Variants in NXPE2 observed in about 807,000 individuals in gnomAD.
The protein encoded by NXPE2 is NXPE family member 2.
A neutral mutation model predicts 34.4 loss-of-function variants in NXPE2; 34 were observed. The ratio of observed to expected loss-of-function variants is 0.99; its 90% CI spans 0.75 to 1.31. The LOEUF (loss-of-function observed/expected upper bound fraction) is 1.31. Ranked by LOEUF, NXPE2 falls within the 40% of genes most tolerant of loss-of-function variation. The pLI is 0.00. For synonymous variants in NXPE2, 235 were observed against 231.3 expected (o/e 1.02, Z -0.15); for missense variants, 649 against 672.5 (o/e 0.97, Z 0.39).
intron 2 of NXPE2, among the ~76,000 whole-genome samples, chr11:114,692,537 C>T (rs1278471793): frequency 6.6e-6 from 1 of 152,180 alleles, no homozygotes; most frequent in African/African-American, 2.4e-5. Context: ...TCAGGCAGCT[C>T]TATGTCAGAC....
the NXPE2 span, among the ~76,000 whole-genome samples, chr11:114,666,427 A>T: frequency 2.0e-5 from 3 of 152,172 alleles, no homozygotes; most frequent in African/African-American, 7.2e-5. Flanking sequence ...AATCAATTCA[A>T]TTTGATTATT....
At chr11:114,530,151 A>C in the NXPE2 span, 6 of 1,566,602 alleles carry the variant, frequency 3.8e-6, no homozygotes, top group East Asian at 1.1e-4. Context: ...GACACTTCTC[A>C]GTATACATGA....
chr11:114,623,264 T>G, the NXPE2 span, among the ~76,000 whole-genome samples: 2 of 152,088 alleles, frequency 1.3e-5, no homozygotes, highest in African/African-American at 4.8e-5. Context: ...GTAATACATA[T>G]TGCCTCGTGG....
the NXPE2 span, chr11:114,529,046 T>A: frequency 7.5e-6 from 3 of 398,350 alleles, no homozygotes; most frequent in East Asian, 7.0e-5. Flanking sequence ...GAATGCATGT[T>A]ATTTTGTCAT....
At chr11:114,589,099 G>A in the NXPE2 span, among the ~76,000 whole-genome samples, 1 of 152,086 alleles carries the variant, frequency 6.6e-6, no homozygotes, top group Non-Finnish European at 1.5e-5. Flanking sequence ...CTATTGATGT[G>A]GGAAGTCAGA....
chr11:114,577,909 C>T, the NXPE2 span, among the ~76,000 whole-genome samples: 71 of 152,244 alleles, frequency 4.7e-4, no homozygotes, highest in African/African-American at 1.7e-3. Context: ...ATAAGTATTA[C>T]TAGTCATTTG....
chr11:114,765,303 T>C, the NXPE2 span, among the ~76,000 whole-genome samples: 1 of 152,242 alleles, frequency 6.6e-6, no homozygotes, highest in African/African-American at 2.4e-5. Flanking sequence ...TATTGTGTTT[T>C]TTACAAAATA....
the NXPE2 span, among the ~76,000 whole-genome samples, chr11:114,575,767 A>G: frequency 6.6e-6 from 1 of 152,104 alleles, no homozygotes; most frequent in African/African-American, 2.4e-5. Context: ...TGAAAATGAC[A>G]GTACTGTCAA....
At chr11:114,577,101 T>G in the NXPE2 span, among the ~76,000 whole-genome samples, 8 of 135,048 alleles carry the variant, frequency 5.9e-5, no homozygotes, top group Non-Finnish European at 1.1e-4. Context: ...ATATATAAAG[T>G]TATATATATA....
chr11:114,690,639 C>T (rs1211911237), intron 2 of NXPE2, among the ~76,000 whole-genome samples: 1 of 152,144 alleles, frequency 6.6e-6, no homozygotes, highest in East Asian at 1.9e-4. Context: ...GCATGTCAAC[C>T]TTTCTAGCAA....
the NXPE2 span, among the ~76,000 whole-genome samples, chr11:114,760,369 C>T: frequency 1.3e-5 from 2 of 152,134 alleles, no homozygotes; most frequent in Admixed American, 6.5e-5. Flanking sequence ...CTTCCAGAAC[C>T]GGGAGAAATA....
the NXPE2 span, among the ~76,000 whole-genome samples, chr11:114,670,636 G>A: frequency 7.2e-5 from 11 of 151,972 alleles, no homozygotes; most frequent in African/African-American, 2.4e-4. Flanking sequence ...AAGTTACAGT[G>A]AGATATGACT....
chr11:114,631,422 A>G, the NXPE2 span, among the ~76,000 whole-genome samples: 2 of 150,730 alleles, frequency 1.3e-5, no homozygotes, highest in African/African-American at 4.9e-5. Flanking sequence ...CTATCGCAAG[A>G]ACAAAAAACC....
At chr11:114,517,638 A>T in the NXPE2 span, among the ~76,000 whole-genome samples, 1 of 152,188 alleles carries the variant, frequency 6.6e-6, no homozygotes, top group African/African-American at 2.4e-5. Context: ...AGGACTAAAG[A>T]TGAATAAAAT....
chr11:114,508,463 G>A, the NXPE2 span, among the ~76,000 whole-genome samples: 2 of 152,164 alleles, frequency 1.3e-5, no homozygotes, highest in Non-Finnish European at 2.9e-5. Context: ...AGAACAAACT[G>A]GAGGCATCAT....
chr11:114,660,982 A>G, the NXPE2 span, among the ~76,000 whole-genome samples: 1 of 152,154 alleles, frequency 6.6e-6, no homozygotes. Flanking sequence ...ATCAGTTTAA[A>G]ATTAAAATTA....
chr11:114,666,183 C>T, the NXPE2 span, among the ~76,000 whole-genome samples: 1 of 152,150 alleles, frequency 6.6e-6, no homozygotes, highest in Non-Finnish European at 1.5e-5. Context: ...CACATTTTCC[C>T]CATTTTGCTT....
chr11:114,545,775 G>A, the NXPE2 span, among the ~76,000 whole-genome samples: 238 of 150,336 alleles, frequency 1.6e-3, no homozygotes, highest in African/African-American at 5.4e-3. Context: ...TGTAACCTCC[G>A]CCTTCCAGGT....
chr11:114,596,100 C>T, the NXPE2 span, among the ~76,000 whole-genome samples: 4 of 152,256 alleles, frequency 2.6e-5, no homozygotes, highest in South Asian at 8.3e-4. Flanking sequence ...TTCTAGTTTC[C>T]ATCTAGCGTT....
Sources: gnomAD v4.1 joint callset for allele counts (sites outside exome capture counted in the v4.1 genomes callset) on GRCh38, gnomAD v4.1.1 for gene constraint, MANE v1.5 for transcripts, NCBI Gene and HGNC (gene_info 2026-07-23, HGNC 2026-07-21) for gene names.